Variants in EYA2 observed in about 807,000 individuals in gnomAD.
The protein encoded by EYA2 is protein phosphatase EYA2.
In EYA2, 31 loss-of-function variants were observed where a neutral mutation model predicts 69.2. The ratio of observed to expected loss-of-function variants is 0.45; its 90% confidence interval spans 0.34 to 0.60. The LOEUF is 0.60. Ranked by LOEUF, EYA2 falls within the 20% of genes least tolerant of loss-of-function variation. EYA2 has a pLI of 0.02. For synonymous variants in EYA2, 257 were observed against 279.4 expected (o/e 0.92, Z 0.80); for missense variants, 622 against 701.2 (o/e 0.89, Z 1.28).
chr20:47,072,279 T>C, intron 6 of EYA2, 27 bp downstream of exon 6: 1 of 1,593,142 alleles, frequency 6.3e-7, no homozygotes, highest in East Asian at 2.3e-5. Flanking sequence ...CCCGATTCTT[T>C]CCTCAGTTCT....
intron 10 of EYA2, among the ~76,000 whole-genome samples, chr20:47,148,022 G>C (rs1354239323): frequency 9.2e-6 from 1 of 108,134 alleles, no homozygotes; most frequent in Non-Finnish European, 2.0e-5. Flanking sequence ...TCGCCCCACT[G>C]TACTCCAGCC....
intron 1 of EYA2, among the ~76,000 whole-genome samples, chr20:46,940,077 G>C (rs956592463): frequency 3.3e-5 from 5 of 152,114 alleles, no homozygotes; most frequent in African/African-American, 1.2e-4. Context: ...AATATAATAG[G>C]CCTACCTGAG....
At chr20:47,169,224 C>T in intron 11 of EYA2, 27 bp downstream of exon 11, 2 of 1,603,886 alleles carry the variant, frequency 1.2e-6, no homozygotes, top group Non-Finnish European at 1.7e-6. Flanking sequence ...TCAAAAATGC[C>T]CATTGATTGA....
At chr20:47,126,282 G>A (rs922129818) in intron 9 of EYA2, among the ~76,000 whole-genome samples, 7 of 152,206 alleles carry the variant, frequency 4.6e-5, no homozygotes, top group African/African-American at 1.7e-4. Context: ...CCCCGGAGAA[G>A]CGATTCTGTG....
intron 4 of EYA2, among the ~76,000 whole-genome samples, chr20:47,014,628 ATGTGTGTGTGTGTGTGTGTGTG>A (rs56005987): frequency 1.4e-5 from 2 of 144,614 alleles, no homozygotes; most frequent in South Asian, 2.3e-4. Flanking sequence ...TGTGCACAAA[ATGTGTGTGTGTGTGTGTGTGTG>A]TGTGTGTGTG....
At chr20:47,010,710 T>C in intron 4 of EYA2, among the ~76,000 whole-genome samples, 1 of 150,072 alleles carries the variant, frequency 6.7e-6, no homozygotes, top group Non-Finnish European at 1.5e-5. Flanking sequence ...AATATAAATA[T>C]AATATATATA....
rs569921535 is a variant in EYA2 at position 47,142,498 on chromosome 20, T to C, written c.889-561T>C. On this transcript the variant is annotated intron_variant, in intron 9 of 15. Coordinates refer to ENST00000327619, the MANE Select transcript of EYA2 (RefSeq NM_005244.5). ...AATGGCTGCCTAGTTTTCCCTCCTA[T>C]GAATGTACCATAGTGCCTTTGTGTT... Among the ~76,000 whole-genome samples the C allele has an allele frequency of 5.3e-5, 8 of 152,380 alleles. No homozygotes were observed. The East Asian group carries it at 1.5e-3, about 29-fold the overall frequency.
chr20:47,142,995 A>G (rs959805431), intron 9 of EYA2, 64 bp from the exon 10 acceptor site: 1 of 1,502,058 alleles, frequency 6.7e-7, no homozygotes, highest in Non-Finnish European at 9.2e-7. Context: ...GAATGGGACC[A>G]AAAGGGTAGC....
intron 5 of EYA2, among the ~76,000 whole-genome samples, chr20:47,036,628 C>G (rs781388344): frequency 1.4e-4 from 22 of 152,124 alleles, no homozygotes; most frequent in Non-Finnish European, 2.4e-4. Context: ...TGTATTTTTC[C>G]TTTTGCCTCA....
intron 2 of EYA2, among the ~76,000 whole-genome samples, chr20:46,997,054 C>G (rs6018218): frequency 1.3e-5 from 2 of 151,948 alleles, no homozygotes; most frequent in African/African-American, 2.4e-5. Context: ...CCTTTCCCCC[C>G]ACAAAGCGGG....
chr20:46,974,204 G>A (rs2146303650), intron 1 of EYA2, among the ~76,000 whole-genome samples: 1 of 152,302 alleles, frequency 6.6e-6, no homozygotes, highest in African/African-American at 2.4e-5. Context: ...TAGTCTACGT[G>A]AACTACTATT....
intron 1 of EYA2, among the ~76,000 whole-genome samples, chr20:46,897,567 TA>T: frequency 6.6e-6 from 1 of 152,226 alleles, no homozygotes; most frequent in Non-Finnish European, 1.5e-5. Context: ...AGATGTTTTT[TA>T]GGTGTCCTCA....
At chr20:46,944,808 T>G (rs915970279) in intron 1 of EYA2, among the ~76,000 whole-genome samples, 2 of 152,192 alleles carry the variant, frequency 1.3e-5, no homozygotes, top group Admixed American at 1.3e-4. Flanking sequence ...ATTCATTTGA[T>G]TTTTTAAAAA....
chr20:47,085,928 A>G (rs1187365295), intron 7 of EYA2, among the ~76,000 whole-genome samples: 1 of 152,234 alleles, frequency 6.6e-6, no homozygotes, highest in Non-Finnish European at 1.5e-5. Flanking sequence ...ATGGCTTCAC[A>G]GATGTGTACA....
chr20:47,169,337 T>C, intron 11 of EYA2, 140 bp downstream of exon 11: 2 of 813,808 alleles, frequency 2.5e-6, no homozygotes. Context: ...CTGGGACTTT[T>C]GCATCTCAGA....
chr20:47,073,890 C>A lies in EYA2; in HGVS notation c.484-268C>A, dbSNP rs376134155. 1.8e-3 allele frequency among the ~76,000 whole-genome samples: 267 copies of A among 152,246 alleles called. 1 individual carries two copies. The highest frequency in any genetic ancestry group is 3.0e-3 in the Non-Finnish European group (205 of 68,002). ...TTTCCTCATAGGGCTCATCTCTGGT[C>A]ACTACCACAGAAGCACCTATGCAGG... On this transcript the variant is annotated intron_variant, in intron 6 of 15. Transcript: ENST00000327619.
At chr20:46,986,675 A>G (rs893975725) in intron 1 of EYA2, among the ~76,000 whole-genome samples, 1 of 151,994 alleles carries the variant, frequency 6.6e-6, no homozygotes, top group Admixed American at 6.5e-5. Flanking sequence ...GGAAGCTTTT[A>G]CTCATAGTGG....
At chr20:47,053,326 A>C (rs1198365394) in intron 5 of EYA2, among the ~76,000 whole-genome samples, 1 of 152,230 alleles carries the variant, frequency 6.6e-6, no homozygotes, top group Non-Finnish European at 1.5e-5. Flanking sequence ...GACATGCTGT[A>C]CATCTGTTTA....
At chr20:46,965,421 C>A (rs1979713717) in intron 1 of EYA2, among the ~76,000 whole-genome samples, 1 of 152,248 alleles carries the variant, frequency 6.6e-6, no homozygotes, top group African/African-American at 2.4e-5. Flanking sequence ...GGCAGGCCGC[C>A]AGAGTCACCA....
Sources: gnomAD v4.1 joint callset for allele counts (sites outside exome capture counted in the v4.1 genomes callset) on GRCh38, gnomAD v4.1.1 for gene constraint, MANE v1.5 for transcripts, NCBI Gene and HGNC (gene_info 2026-07-23, HGNC 2026-07-21) for gene names.